ATP6V1H: variants seen among roughly 807,000 people sequenced by gnomAD.
ATP6V1H encodes the protein V-type proton ATPase subunit H.
Under a neutral mutation model 71.7 loss-of-function variants are expected in ATP6V1H, and 39 were observed. The ratio of observed to expected loss-of-function variants is 0.54; its 90% confidence interval spans 0.42 to 0.71. The LOEUF is 0.71. Among genes scored for constraint, ATP6V1H ranks in the 30% least tolerant of loss-of-function variants. The probability of loss-of-function intolerance (pLI) is 0.00; values close to 1 mark genes in which losing one functional copy is unlikely to be tolerated. For missense variants in ATP6V1H, 509 were observed against 594.9 expected (o/e 0.86, Z 1.50); for synonymous variants, 192 against 199.3 (o/e 0.96, Z 0.31).
chr8:53,777,176 T>C (rs980021661), intron 9 of ATP6V1H, among the ~76,000 whole-genome samples: 1 of 152,152 alleles, frequency 6.6e-6, no homozygotes, highest in African/African-American at 2.4e-5. Context: ...ATGGCCAAAA[T>C]TTTCCATCTT....
chr8:53,763,448 A>C (rs1460361696), intron 11 of ATP6V1H, among the ~76,000 whole-genome samples: 1 of 152,236 alleles, frequency 6.6e-6, no homozygotes, highest in Non-Finnish European at 1.5e-5. Flanking sequence ...TACGATGTAA[A>C]CAAATCAGAA....
At chr8:53,836,213 A>T (rs1299155309) in intron 2 of ATP6V1H, among the ~76,000 whole-genome samples, 1 of 152,226 alleles carries the variant, frequency 6.6e-6, no homozygotes, top group Non-Finnish European at 1.5e-5. Flanking sequence ...GATAAAAATA[A>T]TTTTACCCCT....
intron 13 of ATP6V1H, among the ~76,000 whole-genome samples, chr8:53,722,367 C>G (rs550412527): frequency 6.6e-6 from 1 of 152,332 alleles, no homozygotes; most frequent in African/African-American, 2.4e-5. Flanking sequence ...TAATCAAAAG[C>G]AGCCTGCACA....
At chr8:53,727,077 T>C (rs1368144233) in intron 13 of ATP6V1H, among the ~76,000 whole-genome samples, 1 of 152,246 alleles carries the variant, frequency 6.6e-6, no homozygotes, top group Non-Finnish European at 1.5e-5. Context: ...GTCTCACTAG[T>C]AGAAGGAGTA....
At chr8:53,785,265 CTT>C (rs1219920915) in intron 9 of ATP6V1H, among the ~76,000 whole-genome samples, 1 of 152,210 alleles carries the variant, frequency 6.6e-6, no homozygotes, top group Non-Finnish European at 1.5e-5. Context: ...CTAAACTTCT[CTT>C]ATCACTTCAT....
chr8:53,792,401 C>T (rs982842419), intron 9 of ATP6V1H, among the ~76,000 whole-genome samples: 1 of 152,196 alleles, frequency 6.6e-6, no homozygotes, highest in Non-Finnish European at 1.5e-5. Context: ...TGTACACTCT[C>T]CCAGAATCCA....
At chr8:53,801,039 C>T (rs894981654) in intron 8 of ATP6V1H, among the ~76,000 whole-genome samples, 2 of 152,160 alleles carry the variant, frequency 1.3e-5, no homozygotes, top group Non-Finnish European at 2.9e-5. Flanking sequence ...ACAAGAACAG[C>T]TATTCGCAGA....
At chr8:53,754,673 A>G (rs1337401207) in intron 12 of ATP6V1H, among the ~76,000 whole-genome samples, 2 of 152,220 alleles carry the variant, frequency 1.3e-5, no homozygotes. Flanking sequence ...TGAGAAGAAG[A>G]TGAGTTAATG....
chr8:53,761,080 T>C (rs1808256330), intron 11 of ATP6V1H, among the ~76,000 whole-genome samples: 1 of 152,106 alleles, frequency 6.6e-6, no homozygotes, highest in East Asian at 1.9e-4. Flanking sequence ...CTCACGCCTG[T>C]AATCCCAGCA....
chr8:53,716,770 A>G (rs143846955), intron 13 of ATP6V1H, among the ~76,000 whole-genome samples: 1 of 152,260 alleles, frequency 6.6e-6, no homozygotes, highest in Non-Finnish European at 1.5e-5. Context: ...ATTTAGCTCT[A>G]AAGTACATAC....
intron 13 of ATP6V1H, among the ~76,000 whole-genome samples, chr8:53,731,166 C>T (rs1275207933): frequency 1.3e-5 from 2 of 152,062 alleles, no homozygotes; most frequent in East Asian, 1.9e-4. Flanking sequence ...CCTCCTGGTA[C>T]CCCAGCCACA....
chr8:53,829,575 A>C, intron 3 of ATP6V1H, 42 bp from the exon 4 acceptor site: 1 of 1,289,814 alleles, frequency 7.8e-7, no homozygotes, highest in Non-Finnish European at 1.1e-6. Context: ...TTTTATTTGC[A>C]GACACATTTC....
At chr8:53,814,801 T>C in intron 5 of ATP6V1H, 35 bp from the exon 6 acceptor site, 1 of 1,451,328 alleles carries the variant, frequency 6.9e-7, no homozygotes, top group Non-Finnish European at 9.6e-7. Flanking sequence ...TAACGCAACA[T>C]TAATTCTAAA....
chr8:53,769,121 G>A (rs1385440224), intron 11 of ATP6V1H, among the ~76,000 whole-genome samples: 1 of 152,032 alleles, frequency 6.6e-6, no homozygotes, highest in Non-Finnish European at 1.5e-5. Context: ...GATGGACTGG[G>A]TATCTAAATA....
chr8:53,751,587 A>G (rs545990545), intron 12 of ATP6V1H, among the ~76,000 whole-genome samples: 2 of 152,160 alleles, frequency 1.3e-5, no homozygotes, highest in Non-Finnish European at 2.9e-5. Flanking sequence ...ATTTTTACTG[A>G]GGTAATAGAA....
At chr8:53,818,468 T>C (rs940066994) in intron 4 of ATP6V1H, among the ~76,000 whole-genome samples, 1 of 152,202 alleles carries the variant, frequency 6.6e-6, no homozygotes, top group Non-Finnish European at 1.5e-5. Flanking sequence ...ACACTAATAA[T>C]TACCCATCAA....
At position 53,755,968 on chromosome 8, in the gene ATP6V1H, G is replaced by A. The variant is rs1287373289; in HGVS notation, c.1277+587C>T. ...GAGACGGGGTTTCACCGTTTTAGCCGGGATGGTCTCGATCTCCTGACCTTG... is the reference window on the plus strand; with the variant it reads ...GAGACGGGGTTTCACCGTTTTAGCCAGGATGGTCTCGATCTCCTGACCTTG... On this transcript the variant is annotated intron_variant, in intron 12 of 13. Coordinates refer to ENST00000359530, the MANE Select transcript of ATP6V1H (RefSeq NM_015941.4). Among the ~76,000 whole-genome samples, 456 of 141,920 alleles carry A rather than the reference G, an allele frequency of 3.2e-3. 2 individuals are homozygous for A. Among genetic ancestry groups the A allele is most frequent in the Admixed American group, 1.0e-2 (142 of 14,220 alleles). 93.1% of individuals were successfully genotyped at this position (141,920 alleles called of 152,430 possible).
chr8:53,835,403 T>C (rs1811126117), intron 2 of ATP6V1H, among the ~76,000 whole-genome samples: 1 of 152,202 alleles, frequency 6.6e-6, no homozygotes, highest in African/African-American at 2.4e-5. Context: ...CACTCAGAAC[T>C]GTCCCCTCCC....
intron 7 of ATP6V1H, among the ~76,000 whole-genome samples, chr8:53,805,054 A>G (rs527631633): frequency 6.6e-6 from 1 of 152,362 alleles, no homozygotes; most frequent in Non-Finnish European, 1.5e-5. Flanking sequence ...GCAATAAACG[A>G]AACATAAAAA....
Sources: allele counts gnomAD v4.1 joint callset (sites outside exome capture counted in the v4.1 genomes callset), GRCh38; gene constraint gnomAD v4.1.1; transcripts MANE v1.5; gene names NCBI Gene and HGNC (gene_info 2026-07-23, HGNC 2026-07-21).